The following KCNT1 variants were observed in gnomAD, a reference collection of about 807,000 sequenced individuals.
The protein encoded by KCNT1 is potassium channel subfamily T member 1.
Under a neutral mutation model 147.8 loss-of-function variants are expected in KCNT1, and 78 were observed. That is an observed-to-expected ratio of 0.53 (90% CI 0.44 to 0.64). The LOEUF is 0.64. Among genes scored for constraint, KCNT1 ranks in the 30% least tolerant of loss-of-function variants. The pLI is 0.00. For missense variants in KCNT1, 1,419 were observed against 1,750.3 expected (o/e 0.81, Z 3.38); for synonymous variants, 867 against 748.8 (o/e 1.16, Z -2.58).
At chr9:135,727,322 C>T (rs1836249765) in intron 2 of KCNT1, among the ~76,000 whole-genome samples, 3 of 113,968 alleles carry the variant, frequency 2.6e-5, no homozygotes, top group Non-Finnish European at 3.7e-5. Context: ...TCTCTCTCTC[C>T]CCCTCTCTCC....
intron 6 of KCNT1, 114 bp downstream of exon 6, chr9:135,755,283 C>A (rs1831410258): frequency 6.4e-6 from 5 of 777,170 alleles, no homozygotes; most frequent in Non-Finnish European, 9.8e-6. Flanking sequence ...GAGGACATAC[C>A]CAGTCTCAGT....
Position 135,714,498 on chromosome 9 carries a change from C to T in KCNT1, c.111-79C>T, listed in dbSNP as rs1835637897. 1.1e-6 allele frequency: 1 copy of T among 919,186 alleles called. No homozygotes were observed. Among genetic ancestry groups the T allele is most frequent in the Non-Finnish European group, 1.3e-6 (1 of 773,194 alleles). The allele number at this position is 919,186 out of a possible 1,614,324, so 56.9% of individuals were successfully genotyped here. On this transcript the variant is annotated intron_variant, in intron 1 of 30. Coordinates refer to ENST00000371757, the MANE Select transcript of KCNT1 (RefSeq NM_020822.3). This position sits in a 1 kb window ranked among gnomAD's most constrained non-coding sequence, Gnocchi z 6.2. The stretch of plus-strand genomic sequence containing the variant: ...TGGCCGCGGGCTGCGCTGCGCGGGC[C>T]GGGCCTGGCGGGCCGGGGGCTGCGC...
chr9:135,740,959 C>G (rs1830538606), intron 2 of KCNT1, among the ~76,000 whole-genome samples: 1 of 151,894 alleles, frequency 6.6e-6, no homozygotes, highest in Admixed American at 6.5e-5. Context: ...GTGCAGCCGA[C>G]AGACCTTGTT....
intron 2 of KCNT1, among the ~76,000 whole-genome samples, chr9:135,728,648 G>A (rs1453688478): frequency 6.6e-6 from 1 of 152,262 alleles, no homozygotes; most frequent in Non-Finnish European, 1.5e-5. Flanking sequence ...GAGGGCCGCA[G>A]CCACGGGCTG....
chr9:135,775,184 G>A (rs956073668), intron 19 of KCNT1, 126 bp from the exon 20 acceptor site: 7 of 622,462 alleles, frequency 1.1e-5, no homozygotes, highest in East Asian at 9.1e-5. Context: ...TCAGCTGTGC[G>A]TGACCCCGAG....
intron 2 of KCNT1, among the ~76,000 whole-genome samples, chr9:135,715,419 T>A (rs948572135): frequency 6.6e-6 from 1 of 152,164 alleles, no homozygotes; most frequent in Admixed American, 6.5e-5. Flanking sequence ...GGGGAGGCGC[T>A]TTTTTGCCTG....
chr9:135,782,212 CCAAG>C (rs1391926300), intron 24 of KCNT1, among the ~76,000 whole-genome samples: 1 of 151,996 alleles, frequency 6.6e-6, no homozygotes, highest in Admixed American at 6.5e-5. Flanking sequence ...TCAAAAAAAA[CCAAG>C]CAAAAAAATG....
intron 24 of KCNT1, among the ~76,000 whole-genome samples, chr9:135,781,325 T>C (rs1055395241): frequency 1.5e-4 from 23 of 152,134 alleles, no homozygotes; most frequent in Non-Finnish European, 2.5e-4. Flanking sequence ...GGGCCAGGCA[T>C]ATACAGAGAC....
chr9:135,757,503 C>G, intron 9 of KCNT1, 122 bp downstream of exon 9: 1 of 846,724 alleles, frequency 1.2e-6, no homozygotes, highest in Non-Finnish European at 1.9e-6. Flanking sequence ...TGTAGAGGAC[C>G]GGGAAGCCAG....
At chr9:135,745,418 G>A (rs536007453) in intron 2 of KCNT1, among the ~76,000 whole-genome samples, 127 of 152,294 alleles carry the variant, frequency 8.3e-4, no homozygotes, top group Non-Finnish European at 1.4e-3. Context: ...GGCCCCACCC[G>A]GGGTCCCGCC....
intron 23 of KCNT1, 60 bp downstream of exon 23, chr9:135,778,882 C>CG (rs1833374606): frequency 6.3e-7 from 1 of 1,579,210 alleles, no homozygotes; most frequent in Admixed American, 1.7e-5. Context: ...CACGGGCCCT[C>CG]GCCCTGAGAC....
chr9:135,787,354 G>A (rs1008739939), intron 29 of KCNT1, among the ~76,000 whole-genome samples: 1 of 152,202 alleles, frequency 6.6e-6, no homozygotes, highest in African/African-American at 2.4e-5. Context: ...CTCCGTTGAT[G>A]AAGCCATGGG....
chr9:135,775,146 G>A (rs1833072040), intron 19 of KCNT1, among the ~76,000 whole-genome samples, 164 bp from the exon 20 acceptor site: 1 of 152,202 alleles, frequency 6.6e-6, no homozygotes, highest in African/African-American at 2.4e-5. Flanking sequence ...ATGCACAGGT[G>A]GTTAAGGGAA....
At chr9:135,790,995 C>T (rs755022896) in intron 29 of KCNT1, 2 of 152,354 alleles carry the variant, frequency 1.3e-5, no homozygotes, top group Non-Finnish European at 2.9e-5. Flanking sequence ...CGTTCTCACC[C>T]TGTGGGACAC....
chr9:135,704,479 C>T (rs1279777609), intron 1 of KCNT1, among the ~76,000 whole-genome samples: 2 of 152,182 alleles, frequency 1.3e-5, no homozygotes, highest in Non-Finnish European at 2.9e-5. Flanking sequence ...CCTCCAGGCT[C>T]CCTGCTCCCA....
chr9:135,731,090 G>T (rs1273366335), intron 2 of KCNT1, among the ~76,000 whole-genome samples: 3 of 149,000 alleles, frequency 2.0e-5, no homozygotes, highest in Non-Finnish European at 4.4e-5. Context: ...TTGAATCATT[G>T]TCCCCTCTGA....
intron 29 of KCNT1, chr9:135,789,037 G>T (rs916419368): frequency 6.6e-6 from 1 of 150,754 alleles, no homozygotes; most frequent in Non-Finnish European, 1.5e-5. Flanking sequence ...GAAGTAAAGC[G>T]TCGGCCTCTC....
chr9:135,756,949 G>T lies in KCNT1; in HGVS notation c.600+17G>T, dbSNP rs1182136206. On this transcript the variant is annotated intron_variant, in intron 7 of 30. Coordinates refer to ENST00000371757, the MANE Select transcript of KCNT1 (RefSeq NM_020822.3). ...AGCTACAAAGTGAGTGCCTGCCCGG[G>T]ATGGCACCTCACAGGGGGTCCCCAC... The T allele has an allele frequency of 1.2e-6, 2 of 1,610,756 alleles. No homozygotes were observed. Among genetic ancestry groups the T allele is most frequent in the South Asian group, 1.1e-5 (1 of 90,972 alleles).
intron 2 of KCNT1, among the ~76,000 whole-genome samples, chr9:135,717,959 C>T (rs1835783221): frequency 6.6e-6 from 1 of 152,212 alleles, no homozygotes; most frequent in Non-Finnish European, 1.5e-5. Context: ...TGAGGGAAAT[C>T]AGGATGCTGA....
Sources: allele counts gnomAD v4.1 joint callset (sites outside exome capture counted in the v4.1 genomes callset), GRCh38; gene constraint gnomAD v4.1.1; non-coding constraint Gnocchi (gnomAD v3.1); transcripts MANE v1.5; gene names NCBI Gene and HGNC (gene_info 2026-07-23, HGNC 2026-07-21).